The following ADTRP variants were observed in gnomAD, a reference collection of about 807,000 sequenced individuals.
ADTRP encodes the protein androgen dependent TFPI regulating protein.
Under a neutral mutation model 27.0 loss-of-function variants are expected in ADTRP, and 20 were observed. The ratio of observed to expected loss-of-function variants is 0.74; its 90% confidence interval spans 0.52 to 1.08. ADTRP has a LOEUF of 1.08. Ranked by LOEUF, ADTRP falls within the 50% of genes least tolerant of loss-of-function variation. The pLI, the probability that ADTRP is intolerant of heterozygous loss-of-function variation, is 0.00. For missense variants in ADTRP, 251 were observed against 275.0 expected (o/e 0.91, Z 0.62); for synonymous variants, 101 against 105.2 (o/e 0.96, Z 0.25).
chr6:11,760,582 G>C (rs948582930), intron 3 of ADTRP, among the ~76,000 whole-genome samples: 3 of 152,016 alleles, frequency 2.0e-5, no homozygotes, highest in African/African-American at 7.3e-5. Flanking sequence ...TACCCCCTAG[G>C]TGATTTTATT....
intron 2 of ADTRP, among the ~76,000 whole-genome samples, 164 bp from the exon 3 acceptor site, chr6:11,766,539 A>C (rs1763578716): frequency 6.6e-6 from 1 of 152,218 alleles, no homozygotes; most frequent in South Asian, 2.1e-4. Flanking sequence ...GTAATTCTAC[A>C]ATAAGCATTC....
intron 2 of ADTRP, among the ~76,000 whole-genome samples, chr6:11,766,582 C>G (rs534266303): frequency 6.6e-6 from 1 of 152,192 alleles, no homozygotes; most frequent in Admixed American, 6.5e-5. Flanking sequence ...TCTGCTCTTT[C>G]TGGGGATTCC....
At chr6:11,714,692 A>T (rs925663027) in intron 5 of ADTRP, among the ~76,000 whole-genome samples, 180 bp from the exon 6 acceptor site, 1 of 152,234 alleles carries the variant, frequency 6.6e-6, no homozygotes, top group Admixed American at 6.5e-5. Flanking sequence ...ACAGGGGCAG[A>T]GAACAACTCT....
At chr6:11,716,875 C>T (rs1253391843) in intron 5 of ADTRP, among the ~76,000 whole-genome samples, 6 of 142,912 alleles carry the variant, frequency 4.2e-5, no homozygotes, top group Admixed American at 6.8e-5. Context: ...CGCCACCACA[C>T]GTAGCTTTTT....
Position 11,714,433 on chromosome 6 carries a change from C to T in ADTRP, c.*45G>A. The T allele has an allele frequency of 6.5e-7, 1 of 1,546,588 alleles. No individual in the cohort carries two copies. On this transcript the variant is annotated 3_prime_UTR_variant, in exon 6 of 6. Coordinates refer to ENST00000414691, the MANE Select transcript of ADTRP (RefSeq NM_032744.4). ...AAAAAAAAAAAAAGATGAGAAAAAT[C>T]TCTTGTGTTTTCTTCTTTCTTGGTT...
intron 3 of ADTRP, among the ~76,000 whole-genome samples, chr6:11,758,579 G>GGGT (rs1554114789): frequency 2.6e-5 from 3 of 116,796 alleles, no homozygotes; most frequent in African/African-American, 1.0e-4. Context: ...GTGGGGTGGG[G>GGGT]GGGGGGGACG....
At chr6:11,747,240 G>A (rs1762894310) in intron 3 of ADTRP, among the ~76,000 whole-genome samples, 1 of 152,312 alleles carries the variant, frequency 6.6e-6, no homozygotes, top group South Asian at 2.1e-4. Flanking sequence ...GTGGCTTTTA[G>A]GAGTTCCTAG....
chr6:11,730,961 T>A (rs569975219), intron 4 of ADTRP, among the ~76,000 whole-genome samples: 1 of 152,342 alleles, frequency 6.6e-6, no homozygotes, highest in South Asian at 2.1e-4. Context: ...AATGACACTG[T>A]TGGCATCAGC....
chr6:11,726,322 T>C (rs1762198779), intron 4 of ADTRP, among the ~76,000 whole-genome samples: 1 of 152,172 alleles, frequency 6.6e-6, no homozygotes, highest in African/African-American at 2.4e-5. Context: ...CCTGCGTGTG[T>C]TGGTGTTGGG....
Position 11,714,402 on chromosome 6 carries a change from A to T in ADTRP, c.*76T>A. ...CTATGTTCCTCCACCACCTCCCTCC[A>T]CCAGAAAAAAAAAAAAAAGATGAGA... is the stretch of plus-strand genomic sequence containing the variant. On this transcript the variant is annotated 3_prime_UTR_variant, in exon 6 of 6. Transcript: ENST00000414691. The T allele has an allele frequency of 7.3e-7, 1 of 1,370,784 alleles. No homozygotes were observed. 84.9% of individuals were successfully genotyped at this position (1,370,784 alleles called of 1,614,324 possible).
In ADTRP at chr6:11,735,664, A is replaced by G; in HGVS notation, c.410T>C (p.Ile137Thr). Residue 137 changes from isoleucine to threonine, a missense_variant, in exon 4 of 6, where the codon ATC becomes ACC. Physicochemically the swap from Ile to Thr is moderately conservative, Grantham distance 89. Transcript: ENST00000414691. ...NHAMHTFIFP[I>T]TLAEVVLRPH... The stretch of plus-strand genomic sequence containing the variant: ...CCTGAGGACGACTTCAGCCAATGTG[A>G]TGGGGAATATGAAAGTGTGCTGCAG... 1 of 1,613,566 alleles carries G rather than the reference A, an allele frequency of 6.2e-7. No individual in the cohort carries two copies. Among genetic ancestry groups the G allele is most frequent in the South Asian group, 1.1e-5 (1 of 91,038 alleles).
chr6:11,763,054 A>G (rs746628732), intron 3 of ADTRP, among the ~76,000 whole-genome samples: 7 of 152,254 alleles, frequency 4.6e-5, no homozygotes, highest in Non-Finnish European at 1.0e-4. Flanking sequence ...GCTTAGCACT[A>G]AAACAGTCAG....
At chr6:11,770,187 A>C (rs2113344435) in intron 1 of ADTRP, 1 of 1,093,614 alleles carries the variant, frequency 9.1e-7, no homozygotes, top group South Asian at 1.4e-5. Flanking sequence ...AGGTGGGAGA[A>C]TGAACGACCA....
At position 11,756,775 on chromosome 6, in the gene ADTRP, A is replaced by G. The variant is rs548641210; in HGVS notation, c.390+9499T>C. Among the ~76,000 whole-genome samples, 11 of 152,332 alleles carry G rather than the reference A, an allele frequency of 7.2e-5. No individual in the cohort carries two copies. The East Asian group carries it at 2.1e-3, about 29-fold the overall frequency. ...AAACACAGGTTTATGACTTTGGATC[A>G]TATTCTAGACCCAGCTCTATCACTA... is the stretch of plus-strand genomic sequence containing the variant. On this transcript the variant is annotated intron_variant, in intron 3 of 5. Coordinates refer to ENST00000414691, the MANE Select transcript of ADTRP (RefSeq NM_032744.4).
intron 4 of ADTRP, among the ~76,000 whole-genome samples, chr6:11,727,545 A>G (rs1232811211): frequency 6.6e-6 from 1 of 152,214 alleles, no homozygotes; most frequent in Non-Finnish European, 1.5e-5. Context: ...AGTTGAAATT[A>G]GGGCTTCTGA....
intron 3 of ADTRP, among the ~76,000 whole-genome samples, chr6:11,745,316 C>T (rs1174863216): frequency 2.0e-5 from 3 of 152,076 alleles, no homozygotes; most frequent in Non-Finnish European, 2.9e-5. Context: ...TCATTCAATA[C>T]CCATCAAATA....
intron 5 of ADTRP, among the ~76,000 whole-genome samples, chr6:11,722,508 C>T (rs1199785500): frequency 6.6e-6 from 1 of 152,086 alleles, no homozygotes; most frequent in African/African-American, 2.4e-5. Flanking sequence ...GGGTGTGACT[C>T]TTTGCCATCC....
chr6:11,729,203 C>T (rs1456993531), intron 4 of ADTRP, among the ~76,000 whole-genome samples: 3 of 152,126 alleles, frequency 2.0e-5, no homozygotes, highest in Non-Finnish European at 4.4e-5. Context: ...GGTGTTAACC[C>T]TCAGGTCACG....
In ADTRP at chr6:11,770,813, T is replaced by G. The variant is rs879759911; in HGVS notation, c.154-2430A>C. 1.7e-4 allele frequency among the ~76,000 whole-genome samples: 26 copies of G among 152,198 alleles called. 1 individual carries two copies. The highest frequency in any genetic ancestry group is 1.7e-3 in the Admixed American group (26 of 15,302). The stretch of plus-strand genomic sequence containing the variant: ...CCCCACCAGTAGCCTCGCCTCACCC[T>G]GGTTTCACTTCCAGCCGCTCAGGCC... On this transcript the variant is annotated intron_variant, in intron 1 of 5. Transcript: ENST00000414691.
Sources: allele counts gnomAD v4.1 joint callset (sites outside exome capture counted in the v4.1 genomes callset), GRCh38; gene constraint gnomAD v4.1.1; transcripts MANE v1.5; gene names NCBI Gene and HGNC (gene_info 2026-07-23, HGNC 2026-07-21).